Variants in PCDH15 observed in about 807,000 individuals in gnomAD.
PCDH15 encodes the protein protocadherin-15.
PCDH15 carries 129 observed loss-of-function variants against 178.5 expected under a neutral mutation model. The observed-to-expected ratio is 0.72, with a 90% CI of 0.63 to 0.84. The LOEUF is 0.84. Ranked by LOEUF, PCDH15 falls within the 40% of genes least tolerant of loss-of-function variation. The pLI is 0.00. For synonymous variants in PCDH15, 800 were observed against 732.0 expected (o/e 1.09, Z -1.50); for missense variants, 2,230 against 2,099.9 (o/e 1.06, Z -1.21).
intron 14 of PCDH15, among the ~76,000 whole-genome samples, chr10:54,149,924 T>C (rs1028161808): frequency 6.6e-6 from 1 of 152,116 alleles, no homozygotes; most frequent in East Asian, 1.9e-4. Context: ...CTCCAGGTTA[T>C]GTGTGGAGTT....
chr10:55,104,524 T>C (rs1842634532), intron 2 of PCDH15, among the ~76,000 whole-genome samples: 1 of 152,156 alleles, frequency 6.6e-6, no homozygotes, highest in Non-Finnish European at 1.5e-5. Flanking sequence ...TGCATCCACA[T>C]AAAAGATGCA....
At chr10:54,679,189 C>CAAAAAAAAA (rs10709982) in intron 1 of PCDH15, among the ~76,000 whole-genome samples, 1 of 71,342 alleles carries the variant, frequency 1.4e-5, no homozygotes, top group Admixed American at 1.7e-4. Flanking sequence ...GACTCCGTCT[C>CAAAAAAAAA]AAAAAAAAAA....
chr10:55,280,495 GTCAGGCTGC>G (rs2132256804), intron 1 of PCDH15, among the ~76,000 whole-genome samples: 1 of 141,354 alleles, frequency 7.1e-6, no homozygotes, highest in African/African-American at 2.7e-5. Flanking sequence ...TACCAAGTTG[GTCAGGCTGC>G]TCTTGAACTC....
At chr10:54,516,639 G>T (rs60177334) in intron 3 of PCDH15, among the ~76,000 whole-genome samples, 1 of 151,918 alleles carries the variant, frequency 6.6e-6, no homozygotes, top group Non-Finnish European at 1.5e-5. Flanking sequence ...ACACTCTGCA[G>T]GATATTATCC....
chr10:54,783,689 T>C (rs115634395), intron 1 of PCDH15, among the ~76,000 whole-genome samples: 2,172 of 152,158 alleles, frequency 0.014, 52 homozygotes, highest in African/African-American at 0.05. Flanking sequence ...TCGATACTTA[T>C]AGTAAAACTA....
intron 25 of PCDH15, among the ~76,000 whole-genome samples, chr10:53,938,398 TA>T (rs2134049127): frequency 1.3e-5 from 2 of 152,314 alleles, no homozygotes; most frequent in East Asian, 3.9e-4. Flanking sequence ...TGTTAGTCGC[TA>T]ATTTTAAGAT....
intron 14 of PCDH15, among the ~76,000 whole-genome samples, chr10:54,145,569 A>G (rs1222950660): frequency 6.6e-6 from 1 of 152,152 alleles, no homozygotes; most frequent in Non-Finnish European, 1.5e-5. Flanking sequence ...AGGACAGAGA[A>G]AACTTTTCTG....
chr10:54,234,871 G>A (rs2054465866), intron 9 of PCDH15, among the ~76,000 whole-genome samples: 1 of 151,998 alleles, frequency 6.6e-6, no homozygotes, highest in South Asian at 2.1e-4. Context: ...TTTTTTAATT[G>A]GCTCCTCATT....
intron 10 of PCDH15, among the ~76,000 whole-genome samples, chr10:54,197,690 G>A (rs1310034875): frequency 1.3e-5 from 2 of 152,082 alleles, no homozygotes; most frequent in Non-Finnish European, 2.9e-5. Context: ...CCTTCTAATA[G>A]TAATTTAACA....
chr10:55,590,014 G>A (rs939063572), intron 2 of PCDH15, among the ~76,000 whole-genome samples: 6 of 145,976 alleles, frequency 4.1e-5, no homozygotes, highest in African/African-American at 7.5e-5. Context: ...ACATGCACAC[G>A]TATGTTTATT....
At chr10:53,974,772 T>A (rs1048329020) in intron 21 of PCDH15, among the ~76,000 whole-genome samples, 6 of 150,966 alleles carry the variant, frequency 4.0e-5, no homozygotes, top group African/African-American at 1.5e-4. Flanking sequence ...TTTTTCTTAT[T>A]TTTTTTTTAA....
intron 3 of PCDH15, among the ~76,000 whole-genome samples, chr10:54,428,086 G>C (rs1352039864): frequency 6.6e-6 from 1 of 152,194 alleles, no homozygotes; most frequent in Admixed American, 6.5e-5. Context: ...TCATCATCCA[G>C]ATCCCATCTT....
chr10:54,227,726 T>C (rs1300606284), intron 9 of PCDH15, among the ~76,000 whole-genome samples: 1 of 152,234 alleles, frequency 6.6e-6, no homozygotes, highest in Non-Finnish European at 1.5e-5. Context: ...TAAAACTGAA[T>C]GCCTTTAACA....
At chr10:54,351,669 T>C (rs981196842) in intron 5 of PCDH15, among the ~76,000 whole-genome samples, 2 of 152,166 alleles carry the variant, frequency 1.3e-5, no homozygotes, top group Non-Finnish European at 2.9e-5. Context: ...ACCTCACTTT[T>C]AGAGGTGATT....
At chr10:54,961,110 T>C (rs1838641777) in intron 2 of PCDH15, among the ~76,000 whole-genome samples, 1 of 152,226 alleles carries the variant, frequency 6.6e-6, no homozygotes, top group Admixed American at 6.5e-5. Context: ...GAGCAGCCAC[T>C]ACAGTGATGC....
chr10:54,960,586 T>G (rs1254848522), intron 2 of PCDH15, among the ~76,000 whole-genome samples: 2 of 152,260 alleles, frequency 1.3e-5, no homozygotes. Context: ...TAAAAAAAGA[T>G]TAAGTAACAC....
chr10:55,565,686 T>C (rs1406178129), intron 2 of PCDH15, among the ~76,000 whole-genome samples: 12 of 151,556 alleles, frequency 7.9e-5, no homozygotes, highest in Admixed American at 7.9e-4. Context: ...AGAAATAAAA[T>C]GGACTATAAG....
chr10:54,784,985 T>C (rs1184517988), intron 1 of PCDH15, among the ~76,000 whole-genome samples: 1 of 151,856 alleles, frequency 6.6e-6, no homozygotes, highest in African/African-American at 2.4e-5. Context: ...CATCAGTCCT[T>C]CTCTAAGCCC....
At chr10:54,291,897 G>C (rs1012415279) in intron 8 of PCDH15, among the ~76,000 whole-genome samples, 3 of 152,174 alleles carry the variant, frequency 2.0e-5, no homozygotes, top group Non-Finnish European at 4.4e-5. Flanking sequence ...GAGGTACGAA[G>C]AGGACTTGGA....
Sources: allele counts gnomAD v4.1 joint callset (sites outside exome capture counted in the v4.1 genomes callset), GRCh38; gene constraint gnomAD v4.1.1; transcripts MANE v1.5; gene names NCBI Gene and HGNC (gene_info 2026-07-23, HGNC 2026-07-21).